The following CFAP57 variants were observed in gnomAD, a reference collection of about 807,000 sequenced individuals.
CFAP57 encodes cilia and flagella associated protein 57, also known as cilia- and flagella-associated protein 57.
In CFAP57, 116 loss-of-function variants were observed where a neutral mutation model predicts 146.8. The ratio of observed to expected loss-of-function variants is 0.79; its 90% CI spans 0.68 to 0.92. CFAP57 has a LOEUF of 0.92. Ranked by LOEUF, CFAP57 falls within the 40% of genes least tolerant of loss-of-function variation. The probability of loss-of-function intolerance (pLI) is 0.00; values close to 1 mark genes in which losing one functional copy is unlikely to be tolerated. For synonymous variants in CFAP57, 518 were observed against 552.8 expected, an observed-to-expected ratio of 0.94 and a Z score of 0.88; for missense variants, 1,377 against 1,527.2, an observed-to-expected ratio of 0.90 and a Z score of 1.64.
intron 18 of CFAP57, 99 bp downstream of exon 18, chr1:43,227,225 C>T: frequency 7.5e-7 from 1 of 1,328,012 alleles, no homozygotes; most frequent in Non-Finnish European, 9.9e-7. Flanking sequence ...GCTCTTCTCA[C>T]AGTCCTCTCT....
At chr1:43,177,977 T>A (rs950313932) in intron 2 of CFAP57, among the ~76,000 whole-genome samples, 1 of 152,168 alleles carries the variant, frequency 6.6e-6, no homozygotes, top group Non-Finnish European at 1.5e-5. Context: ...TGGGGAAGAA[T>A]CAGCAAAAGA....
chr1:43,212,903 T>G (rs1290161218), intron 11 of CFAP57, among the ~76,000 whole-genome samples: 2 of 149,574 alleles, frequency 1.3e-5, no homozygotes, highest in African/African-American at 5.0e-5. Flanking sequence ...GCCACTGCAC[T>G]CTTAGCCTGG....
Position 43,226,938 on chromosome 1 carries a change from C to T in CFAP57, c.2866-45C>T, listed in dbSNP as rs538789622. The T allele has an allele frequency of 1.6e-4, 228 of 1,459,362 alleles. 2 individuals are homozygous for T. In the South Asian group the frequency reaches 3.0e-3, roughly 19 times the overall value. 90.4% of individuals were successfully genotyped at this position (1,459,362 alleles called of 1,614,324 possible). A position where few individuals can be genotyped will look rare whatever the true frequency, so the allele number is the denominator to read the frequency against. On this transcript the variant is annotated intron_variant, in intron 17 of 22. Transcript: ENST00000372492. ...TTTGCCCTAAAGGGCTGCAGTATAC[C>T]AGGGCCTTACAATATCTCTCACTTC...
At chr1:43,203,897 G>A (rs1210369990) in intron 9 of CFAP57, among the ~76,000 whole-genome samples, 1 of 152,166 alleles carries the variant, frequency 6.6e-6, no homozygotes, top group Non-Finnish European at 1.5e-5. Flanking sequence ...ACAAATTTGA[G>A]ATTTTTCAGC....
intron 19 of CFAP57, 104 bp downstream of exon 19, chr1:43,232,728 A>G (rs1645523928): frequency 1.4e-6 from 1 of 730,544 alleles, no homozygotes; most frequent in South Asian, 2.4e-5. Context: ...CTGCGAGGAT[A>G]TGTTTCCCAT....
chr1:43,196,302 C>T (rs1324583489), intron 6 of CFAP57: 1 of 152,738 alleles, frequency 6.5e-6, no homozygotes, highest in Non-Finnish European at 1.5e-5. Context: ...GGAATGTGCT[C>T]ATAGAGACAG....
intron 18 of CFAP57, chr1:43,231,986 C>T: frequency 1.6e-6 from 1 of 640,956 alleles, no homozygotes; most frequent in South Asian, 1.8e-5. Flanking sequence ...GCTGAGGCCC[C>T]TTCTCAGCTT....
intron 11 of CFAP57, chr1:43,211,580 A>AAAG (rs1290844568): frequency 6.6e-6 from 1 of 151,768 alleles, no homozygotes; most frequent in Non-Finnish European, 1.5e-5. Context: ...GTCTCCAAAA[A>AAAG]AAAAAAAAAA....
chr1:43,181,475 G>C, intron 2 of CFAP57, 59 bp from the exon 3 acceptor site: 1 of 1,599,080 alleles, frequency 6.3e-7, no homozygotes, highest in Non-Finnish European at 8.5e-7. Flanking sequence ...CCTGGTTCCT[G>C]TTGAACCCTG....
chr1:43,218,530 C>T (rs1644922003), intron 12 of CFAP57, among the ~76,000 whole-genome samples: 1 of 151,868 alleles, frequency 6.6e-6, no homozygotes, highest in South Asian at 2.1e-4. Context: ...ATCACTTGAG[C>T]CCAGGAGGTC....
At chr1:43,218,623 AAAAG>A (rs1477165233) in intron 12 of CFAP57, among the ~76,000 whole-genome samples, 1 of 152,080 alleles carries the variant, frequency 6.6e-6, no homozygotes, top group African/African-American at 2.4e-5. Flanking sequence ...AAAAGAGAAA[AAAAG>A]GAAGAATAAG....
At chr1:43,176,865 G>T (rs1473378054) in intron 2 of CFAP57, among the ~76,000 whole-genome samples, 2 of 152,178 alleles carry the variant, frequency 1.3e-5, no homozygotes, top group African/African-American at 4.8e-5. Flanking sequence ...TGCTGATGTG[G>T]GAGGGCAGGG....
At chr1:43,206,959 G>T in intron 10 of CFAP57, 27 bp downstream of exon 10, 1 of 1,608,866 alleles carries the variant, frequency 6.2e-7, no homozygotes, top group Non-Finnish European at 8.5e-7. Flanking sequence ...CCCGCCTCTG[G>T]GCTGGTGCAC....
intron 21 of CFAP57, among the ~76,000 whole-genome samples, chr1:43,235,291 C>A (rs558685139): frequency 6.6e-6 from 1 of 152,200 alleles, no homozygotes; most frequent in African/African-American, 2.4e-5. Context: ...GCCGCCTCCA[C>A]ACAGGCACGT....
In CFAP57 at chr1:43,232,594, C is replaced by T. The variant is rs951828809; in HGVS notation, c.3096C>T (p.Thr1032=). ...ITELWQKLRA[T]DQEMRRERQK... The stretch of plus-strand genomic sequence containing the variant: ...AATTGTGGCAGAAACTGAGAGCCAC[C>T]GATCAGGAGATGCGCAGAGAGAGAC... The change falls in exon 19 of 23, where the codon ACC becomes ACT. Residue 1032 remains threonine, a synonymous_variant. Coordinates refer to ENST00000372492, the MANE Select transcript of CFAP57 (RefSeq NM_001378189.1). 1.9e-5 allele frequency: 29 copies of T among 1,547,866 alleles called. No individual in the cohort carries two copies. Among genetic ancestry groups the T allele is most frequent in the Admixed American group, 1.8e-4 (9 of 50,930 alleles).
At chr1:43,183,109 C>A (rs2764422) in intron 3 of CFAP57, among the ~76,000 whole-genome samples, 28,760 of 152,138 alleles carry the variant, frequency 0.19, 4,035 homozygotes, top group African/African-American at 0.38. Flanking sequence ...GGTGTTTTCA[C>A]CTTATGATGG....
chr1:43,206,756 CT>C lies in CFAP57; in HGVS notation c.1580del (p.Leu527ArgfsTer59), dbSNP rs1217145815. 6.2e-7 allele frequency: 1 copy of C among 1,613,950 alleles called. No individual in the cohort carries two copies. The highest frequency in any genetic ancestry group is 8.5e-7 in the Non-Finnish European group (1 of 1,180,042). Reference sequence around the variant, plus strand: ...TGTGTGGAATGCAGATGATAGCAAACTGATTTCTGGTGGCACAGATGGTGCT... The same window carrying C: ...TGTGTGGAATGCAGATGATAGCAAACGATTTCTGGTGGCACAGATGGTGCT... ...SIVWNADDSK[L>X]ISGGTDGAVY... On this transcript the variant is annotated frameshift_variant, in exon 10 of 23. Coordinates refer to ENST00000372492, the MANE Select transcript of CFAP57 (RefSeq NM_001378189.1). LOFTEE classifies it high-confidence loss of function.
intron 6 of CFAP57, among the ~76,000 whole-genome samples, chr1:43,195,486 A>T (rs1302890929): frequency 2.0e-5 from 3 of 151,698 alleles, no homozygotes; most frequent in Non-Finnish European, 4.4e-5. Context: ...ACGCCACTGC[A>T]CTCCAGCCTG....
At chr1:43,210,052 C>G (rs201013583) in intron 11 of CFAP57, 136 bp downstream of exon 11, 1 of 1,614,084 alleles carries the variant, frequency 6.2e-7, no homozygotes. Flanking sequence ...ATTGAATCAC[C>G]ATCTATTGAC....
Sources: allele counts gnomAD v4.1 joint callset (sites outside exome capture counted in the v4.1 genomes callset), GRCh38; gene constraint gnomAD v4.1.1; transcripts MANE v1.5; gene names NCBI Gene and HGNC (gene_info 2026-07-23, HGNC 2026-07-21).